SNRPD3: variants seen among roughly 807,000 people sequenced by gnomAD.
SNRPD3 encodes small nuclear ribonucleoprotein D3 polypeptide, also known as small nuclear ribonucleoprotein Sm D3.
For synonymous variants in SNRPD3, 66 were observed against 58.4 expected (o/e 1.13, Z -0.59); for missense variants, 73 against 167.5 (o/e 0.44, Z 3.11).
Position 24,572,099 on chromosome 22 carries a change from T to C in SNRPD3, c.*122T>C. The C allele has an allele frequency of 6.5e-7, 1 of 1,535,468 alleles. No homozygotes were observed. The highest frequency in any genetic ancestry group is 8.8e-7 in the Non-Finnish European group (1 of 1,130,876). ...ATCTTTCTCTTTAGATCAGGGGAAA[T>C]GTTTAAGCTAAATAAATCTGGGGGG... On this transcript the variant is annotated 3_prime_UTR_variant, in exon 4 of 4. Coordinates refer to ENST00000215829, the MANE Select transcript of SNRPD3 (RefSeq NM_004175.5).
At chr22:24,564,315 A>C (rs1196839605) in intron 2 of SNRPD3, among the ~76,000 whole-genome samples, 1 of 152,166 alleles carries the variant, frequency 6.6e-6, no homozygotes, top group Non-Finnish European at 1.5e-5. Flanking sequence ...TTGTGCTACA[A>C]AGATTCTCTC....
Position 24,566,397 on chromosome 22 carries a change from G to A in SNRPD3, c.127-1587G>A, listed in dbSNP as rs571340581. Among the ~76,000 whole-genome samples, 267 of 152,076 alleles carry A rather than the reference G, an allele frequency of 1.8e-3. 1 individual carries two copies. Among genetic ancestry groups the A allele is most frequent in the Non-Finnish European group, 3.0e-3 (205 of 67,982 alleles). ...AGTGATCCTTTCACCTCAGCTTCCC[G>A]AGTAGCTGGACTACAGGCACATGCC... On this transcript the variant is annotated intron_variant, in intron 2 of 3. Coordinates refer to ENST00000215829, the MANE Select transcript of SNRPD3 (RefSeq NM_004175.5).
intron 2 of SNRPD3, among the ~76,000 whole-genome samples, chr22:24,559,979 G>C (rs2045116908): frequency 6.6e-6 from 1 of 151,624 alleles, no homozygotes; most frequent in South Asian, 2.1e-4. Context: ...GTCTTCACTT[G>C]GTCTTCCCTC....
Position 24,557,785 on chromosome 22 carries a change from C to A in SNRPD3, c.111C>A (p.Asp37Glu). 1 of 1,608,160 alleles carries A rather than the reference C, an allele frequency of 6.2e-7. No homozygotes were observed. Among genetic ancestry groups the A allele is most frequent in the African/African-American group, 1.3e-5 (1 of 74,696 alleles). ...VYRGKLIEAE[D>E]NMNCQMSNIT... is the part of the protein sequence containing the mutation. Reference sequence around the variant, plus strand: ...GGGGGAAGCTCATTGAAGCAGAGGACAACATGAACTGCCAGGTATTCTGCT... The same window carrying A: ...GGGGGAAGCTCATTGAAGCAGAGGAAAACATGAACTGCCAGGTATTCTGCT... Residue 37 changes from aspartate to glutamate, a missense_variant, in exon 2 of 4, where the codon GAC becomes GAA. Asp to Glu is a conservative substitution (Grantham distance 45). Transcript: ENST00000215829.
chr22:24,562,705 C>A (rs1236040151), intron 2 of SNRPD3, among the ~76,000 whole-genome samples: 2 of 152,138 alleles, frequency 1.3e-5, no homozygotes, highest in African/African-American at 4.8e-5. Context: ...CAGAGCAAGA[C>A]CCTATCTCTA....
intron 1 of SNRPD3, among the ~76,000 whole-genome samples, chr22:24,557,068 C>T (rs1164978424): frequency 1.3e-5 from 2 of 152,232 alleles, no homozygotes; most frequent in Non-Finnish European, 2.9e-5. Flanking sequence ...TGGTCTGTAT[C>T]TGCACCTTCC....
At chr22:24,564,253 G>A (rs573598133) in intron 2 of SNRPD3, among the ~76,000 whole-genome samples, 12 of 152,256 alleles carry the variant, frequency 7.9e-5, no homozygotes, top group African/African-American at 2.9e-4. Context: ...TCACAGTCCT[G>A]GAGCTAGCTT....
intron 2 of SNRPD3, 151 bp from the exon 3 acceptor site, chr22:24,567,833 T>C (rs2045210922): frequency 1.6e-6 from 1 of 619,098 alleles, no homozygotes; most frequent in Non-Finnish European, 2.9e-6. Flanking sequence ...GTCCCTGGTG[T>C]ACACAGTTAG....
At chr22:24,555,650 G>T (rs1188575808), upstream of SNRPD3, 2 of 1,550,658 alleles carry the variant, frequency 1.3e-6, no homozygotes, top group Non-Finnish European at 1.7e-6. Flanking sequence ...AAATTGTGAC[G>T]GGAAGTCCTG....
chr22:24,571,882 C>G (rs748320487), intron 3 of SNRPD3, 34 bp from the exon 4 acceptor site: 60 of 1,613,184 alleles, frequency 3.7e-5, no homozygotes, highest in Non-Finnish European at 3.6e-5. Context: ...ACCGACCACA[C>G]TGACCTGGCC....
rs1253077083 is a variant in SNRPD3 at position 24,572,332 on chromosome 22, C to T, written c.*355C>T. The T allele has an allele frequency of 1.2e-5, 7 of 586,570 alleles. No individual in the cohort carries two copies. In the South Asian group the frequency reaches 1.2e-4, roughly 10 times the overall value. The allele number at this position is 586,570 out of a possible 1,614,324, so 36.3% of individuals were successfully genotyped here. A position where few individuals can be genotyped will look rare whatever the true frequency, so the allele number is the denominator to read the frequency against. The stretch of plus-strand genomic sequence containing the variant: ...CAGAAAAGTTCACCTTGGAGAAGCT[C>T]CGAGAACACACAGATTGTGTCTCAT... On this transcript the variant is annotated 3_prime_UTR_variant, in exon 4 of 4. Coordinates refer to ENST00000215829, the MANE Select transcript of SNRPD3 (RefSeq NM_004175.5).
intron 2 of SNRPD3, among the ~76,000 whole-genome samples, chr22:24,563,794 G>T (rs1162929300): frequency 6.6e-6 from 1 of 152,052 alleles, no homozygotes; most frequent in African/African-American, 2.4e-5. Flanking sequence ...GTTGGCTTTG[G>T]CATATAATAG....
intron 2 of SNRPD3, among the ~76,000 whole-genome samples, chr22:24,565,644 C>T (rs2045190324): frequency 6.6e-6 from 1 of 152,038 alleles, no homozygotes; most frequent in African/African-American, 2.4e-5. Flanking sequence ...CCCCAAAACA[C>T]GTTTTTTGTT....
In SNRPD3 at chr22:24,568,850, C is replaced by T. The variant is rs939515650; in HGVS notation, c.319+674C>T. On this transcript the variant is annotated intron_variant, in intron 3 of 3. Transcript: ENST00000215829. ...GATTACAGGCGTGAGCCACTGCGCC[C>T]GGCTTATTTTTATTTTATTTATTTA... Among the ~76,000 whole-genome samples the T allele has an allele frequency of 8.5e-5, 13 of 152,188 alleles. No homozygotes were observed. The East Asian group carries it at 9.6e-4, about 11-fold the overall frequency.
At chr22:24,556,456 C>T (rs139909566) in intron 1 of SNRPD3, among the ~76,000 whole-genome samples, 43 of 151,860 alleles carry the variant, frequency 2.8e-4, no homozygotes, top group African/African-American at 9.2e-4. Context: ...AGGGATCCAC[C>T]GGCCTCGGCC....
At chr22:24,567,612 G>C (rs2045208139) in intron 2 of SNRPD3, among the ~76,000 whole-genome samples, 1 of 152,128 alleles carries the variant, frequency 6.6e-6, no homozygotes, top group Admixed American at 6.6e-5. Context: ...CGGGCATGGT[G>C]GCGCATGCCT....
At position 24,558,117 on chromosome 22, in the gene SNRPD3, A is replaced by G. The variant is rs188384230; in HGVS notation, c.126+317A>G. 89 of 188,164 alleles carry G rather than the reference A, an allele frequency of 4.7e-4. No individual in the cohort carries two copies. In the Middle Eastern group the frequency reaches 0.019, roughly 40 times the overall value. 11.7% of individuals were successfully genotyped at this position (188,164 alleles called of 1,614,324 possible). ...AGTAGAATCCTTCAGATTCAGGGCC[A>G]TTATCCATTTGCCTCCACTTGCTTT... is the stretch of plus-strand genomic sequence containing the variant. On this transcript the variant is annotated intron_variant, in intron 2 of 3. Transcript: ENST00000215829.
At chr22:24,567,854 T>C (rs1482548921) in intron 2 of SNRPD3, 130 bp from the exon 3 acceptor site, 3 of 673,918 alleles carry the variant, frequency 4.5e-6, no homozygotes, top group Non-Finnish European at 7.7e-6. Context: ...TACCGATGAT[T>C]GCTGGGTAAT....
chr22:24,572,504 T>G lies in SNRPD3; in HGVS notation c.*527T>G, dbSNP rs1417614580. ...GGGGCTGGGTGCGGCGGCTCACGCATGTAATCCCAGCACTTTGGGAGGCCA... is the reference window on the plus strand; with the variant it reads ...GGGGCTGGGTGCGGCGGCTCACGCAGGTAATCCCAGCACTTTGGGAGGCCA... On this transcript the variant is annotated 3_prime_UTR_variant, in exon 4 of 4. Coordinates refer to ENST00000215829, the MANE Select transcript of SNRPD3 (RefSeq NM_004175.5). 4.4e-6 allele frequency: 1 copy of G among 226,844 alleles called. No individual in the cohort carries two copies. The highest frequency in any genetic ancestry group is 8.7e-6 in the Non-Finnish European group (1 of 114,634). The allele number at this position is 226,844 out of a possible 1,614,324, so 14.1% of individuals were successfully genotyped here.
Sources: allele counts gnomAD v4.1 joint callset (sites outside exome capture counted in the v4.1 genomes callset), GRCh38; gene constraint gnomAD v4.1.1; transcripts MANE v1.5; gene names NCBI Gene and HGNC (gene_info 2026-07-23, HGNC 2026-07-21).